PCSK5: variants seen among roughly 807,000 people sequenced by gnomAD.
The protein encoded by PCSK5 is proprotein convertase subtilisin/kexin type 5, also known as prohormone convertase 5.
PCSK5 carries 129 observed loss-of-function variants against 233.2 expected under a neutral mutation model. That is an observed-to-expected ratio of 0.55 (90% confidence interval 0.48 to 0.64). The LOEUF (loss-of-function observed/expected upper bound fraction) is 0.64, where lower values mean the gene tolerates loss of function less well. Among genes scored for constraint, PCSK5 ranks in the 30% least tolerant of loss-of-function variants. The pLI is 0.00. For missense variants in PCSK5, 2,076 were observed against 2,430.1 expected, an observed-to-expected ratio of 0.85 and a Z score of 3.06; for synonymous variants, 825 against 879.2, an observed-to-expected ratio of 0.94 and a Z score of 1.09.
chr9:75,951,831 G>A (rs1824872534), intron 2 of PCSK5, among the ~76,000 whole-genome samples: 1 of 152,108 alleles, frequency 6.6e-6, no homozygotes, highest in Non-Finnish European at 1.5e-5. Flanking sequence ...GGTATTATAA[G>A]TAATCTAGAG....
chr9:75,986,276 C>A (rs41288747), intron 3 of PCSK5, 31 bp downstream of exon 3: 1 of 1,258,060 alleles, frequency 7.9e-7, no homozygotes, highest in Non-Finnish European at 1.2e-6. Flanking sequence ...TGGCCTAGGG[C>A]CATGTCATCC....
intron 1 of PCSK5, among the ~76,000 whole-genome samples, chr9:75,912,053 T>TAA (rs1323593508): frequency 1.3e-5 from 2 of 151,868 alleles, no homozygotes; most frequent in Non-Finnish European, 2.9e-5. Flanking sequence ...CAGATAGTGG[T>TAA]AAGTGCTATG....
intron 5 of PCSK5, among the ~76,000 whole-genome samples, chr9:76,038,216 C>T (rs1361333682): frequency 2.6e-5 from 4 of 152,172 alleles, no homozygotes; most frequent in Non-Finnish European, 4.4e-5. Flanking sequence ...CCAACCCTTC[C>T]GCCCCGACAA....
intron 28 of PCSK5, among the ~76,000 whole-genome samples, chr9:76,307,383 A>C (rs1253731804): frequency 2.0e-5 from 3 of 152,180 alleles, no homozygotes; most frequent in Admixed American, 6.5e-5. Context: ...GGGTCATTGA[A>C]ATCCCACATT....
chr9:76,228,033 G>C (rs1018048776), intron 21 of PCSK5, among the ~76,000 whole-genome samples: 1 of 150,648 alleles, frequency 6.6e-6, no homozygotes, highest in Non-Finnish European at 1.5e-5. Context: ...GCAGTGGCGC[G>C]ATCTCTGCTC....
intron 7 of PCSK5, among the ~76,000 whole-genome samples, chr9:76,080,824 T>C (rs1274402508): frequency 6.6e-6 from 1 of 152,202 alleles, no homozygotes; most frequent in Admixed American, 6.5e-5. Flanking sequence ...AGTCTCTAAA[T>C]ACGTTATGAA....
chr9:76,026,128 A>G (rs969921965), intron 4 of PCSK5, among the ~76,000 whole-genome samples: 4 of 152,192 alleles, frequency 2.6e-5, no homozygotes, highest in Non-Finnish European at 5.9e-5. Context: ...CAATCAAAGA[A>G]AATTGAAAGC....
chr9:76,353,937 C>A, intron 36 of PCSK5, 96 bp from the exon 37 acceptor site: 1 of 848,980 alleles, frequency 1.2e-6, no homozygotes. Flanking sequence ...CACACATCTC[C>A]CTCCTTATGA....
intron 24 of PCSK5, among the ~76,000 whole-genome samples, chr9:76,247,124 G>C (rs1206403985): frequency 6.6e-6 from 1 of 152,228 alleles, no homozygotes; most frequent in Admixed American, 6.5e-5. Context: ...CAAGCCTTTA[G>C]CCAGATCAGG....
At chr9:76,123,818 GGAC>G (rs2131722038) in intron 9 of PCSK5, among the ~76,000 whole-genome samples, 1 of 152,264 alleles carries the variant, frequency 6.6e-6, no homozygotes, top group South Asian at 2.1e-4. Context: ...CACTCATGAA[GGAC>G]GACAAGTCTA....
chr9:75,938,906 A>G (rs1824179462), intron 2 of PCSK5, among the ~76,000 whole-genome samples: 2 of 152,290 alleles, frequency 1.3e-5, no homozygotes, highest in South Asian at 4.1e-4. Flanking sequence ...TTCGTGGAAA[A>G]TTGATGATGC....
At chr9:75,901,981 CAA>C (rs1009724843) in intron 1 of PCSK5, among the ~76,000 whole-genome samples, 2 of 151,942 alleles carry the variant, frequency 1.3e-5, no homozygotes, top group African/African-American at 4.8e-5. Context: ...TTTGGGAGGC[CAA>C]GGCGGGCAGA....
intron 30 of PCSK5, among the ~76,000 whole-genome samples, chr9:76,315,641 ACT>A (rs1491268890): frequency 0.092 from 12,769 of 138,840 alleles, 608 homozygotes; most frequent in South Asian, 0.18. Flanking sequence ...GGAGAAGACT[ACT>A]TTTTTTTTTT....
chr9:75,982,670 C>G (rs1204791136), intron 2 of PCSK5, among the ~76,000 whole-genome samples: 5 of 150,014 alleles, frequency 3.3e-5, no homozygotes, highest in East Asian at 1.9e-4. Flanking sequence ...GAAACTGTCT[C>G]TATATTAGGG....
intron 10 of PCSK5, among the ~76,000 whole-genome samples, chr9:76,137,254 G>A (rs10781340): frequency 0.87 from 131,912 of 152,082 alleles, 57,316 homozygotes; most frequent in East Asian, 1. Flanking sequence ...TGAGAGTGGG[G>A]TTACCCTGGA....
intron 5 of PCSK5, among the ~76,000 whole-genome samples, chr9:76,048,443 A>G (rs1446199668): frequency 1.3e-5 from 2 of 152,166 alleles, no homozygotes; most frequent in Non-Finnish European, 2.9e-5. Context: ...TGTCTCAGGA[A>G]AGATCTCAAA....
chr9:76,250,331 C>G lies in PCSK5; in HGVS notation c.3142+9647C>G, dbSNP rs148928929. On this transcript the variant is annotated intron_variant, in intron 24 of 37. Transcript: ENST00000674117. ...AAGAAAGAAAGTGGAGCATCACTCC[C>G]TACTACTTCTTACCTGTGACTTTTA... Among the ~76,000 whole-genome samples, 594 of 152,242 alleles carry G rather than the reference C, an allele frequency of 3.9e-3. 4 individuals are homozygous for G. The highest frequency in any genetic ancestry group is 0.013 in the African/African-American group (542 of 41,542).
intron 35 of PCSK5, among the ~76,000 whole-genome samples, chr9:76,350,391 C>T (rs1830090069): frequency 6.6e-6 from 1 of 152,170 alleles, no homozygotes; most frequent in Admixed American, 6.5e-5. Flanking sequence ...GTCCTTTTAG[C>T]CCTAGCATTT....
intron 24 of PCSK5, among the ~76,000 whole-genome samples, chr9:76,242,620 G>A (rs1455873574): frequency 6.6e-6 from 1 of 152,226 alleles, no homozygotes; most frequent in Non-Finnish European, 1.5e-5. Flanking sequence ...CATGTGAAGT[G>A]ATAGAAGATG....
Sources: allele counts gnomAD v4.1 joint callset (sites outside exome capture counted in the v4.1 genomes callset), GRCh38; gene constraint gnomAD v4.1.1; transcripts MANE v1.5; gene names NCBI Gene and HGNC (gene_info 2026-07-23, HGNC 2026-07-21).